The following RNASEH2A variants were observed in gnomAD, a reference collection of about 807,000 sequenced individuals.
The protein encoded by RNASEH2A is ribonuclease H2 subunit A.
Under a neutral mutation model 32.7 loss-of-function variants are expected in RNASEH2A, and 30 were observed. The ratio of observed to expected loss-of-function variants is 0.92; its 90% confidence interval spans 0.69 to 1.25. The LOEUF is 1.25. RNASEH2A is among the 50% of genes most tolerant of loss of function. The probability of loss-of-function intolerance (pLI) is 0.00; values close to 1 mark genes in which losing one functional copy is unlikely to be tolerated. For synonymous variants in RNASEH2A, 147 were observed against 165.4 expected (o/e 0.89, Z 0.86); for missense variants, 409 against 398.1 (o/e 1.03, Z -0.23).
chr19:12,813,568 G>A lies in RNASEH2A; in HGVS notation c.*102G>A. 1.3e-6 allele frequency: 2 copies of A among 1,489,614 alleles called. No homozygotes were observed. The highest frequency in any genetic ancestry group is 1.9e-6 in the Non-Finnish European group (2 of 1,080,716). 92.3% of individuals were successfully genotyped at this position (1,489,614 alleles called of 1,614,324 possible). A position where few individuals can be genotyped will look rare whatever the true frequency, so the allele number is the denominator to read the frequency against. Reference sequence around the variant, plus strand: ...TGTACTTTTGGGACAGAAGCAAGGTGGGAGTGTGCTCTGCAGCCGGGTCCA... The same window carrying A: ...TGTACTTTTGGGACAGAAGCAAGGTAGGAGTGTGCTCTGCAGCCGGGTCCA... On this transcript the variant is annotated 3_prime_UTR_variant, in exon 8 of 8. Coordinates refer to ENST00000221486, the MANE Select transcript of RNASEH2A (RefSeq NM_006397.3).
At chr19:12,810,511 ATTTT>A (rs781771650) in intron 6 of RNASEH2A, 107 bp downstream of exon 6, 4 of 1,069,104 alleles carry the variant, frequency 3.7e-6, no homozygotes, top group Non-Finnish European at 5.6e-6. Flanking sequence ...TATTTTGCTT[ATTTT>A]TTGTTTTTAT....
Position 12,807,229 on chromosome 19 carries a change from G to A in RNASEH2A, c.223G>A (p.Glu75Lys). 1 of 1,614,180 alleles carries A rather than the reference G, an allele frequency of 6.2e-7. No individual in the cohort carries two copies. Among genetic ancestry groups the A allele is most frequent in the Non-Finnish European group, 8.5e-7 (1 of 1,180,024 alleles). ...VADSKTLLESERERLFAKMED... is the reference protein window; with the variant it reads ...VADSKTLLESKRERLFAKMED... ...AGACTCAAAGACCCTATTGGAGAGC[G>A]AGCGGGAAAGGCTGTTTGCGAAAAT... Residue 75 changes from glutamate (E) to lysine (K), a missense_variant, in exon 3 of 8, where the codon GAG becomes AAG. Physicochemically the swap from Glu to Lys is moderately conservative, Grantham distance 56. Coordinates refer to ENST00000221486, the MANE Select transcript of RNASEH2A (RefSeq NM_006397.3).
chr19:12,811,913 C>T (rs1479531060), intron 6 of RNASEH2A, among the ~76,000 whole-genome samples: 1 of 141,616 alleles, frequency 7.1e-6, no homozygotes, highest in Non-Finnish European at 1.5e-5. Flanking sequence ...AAAATTCCAT[C>T]TCAAAATAAT....
Position 12,813,399 on chromosome 19 carries a change from A to G in RNASEH2A, c.833A>G (p.Gln278Arg), listed in dbSNP as rs375101809. The G allele has an allele frequency of 1.7e-5, 27 of 1,614,048 alleles. No homozygotes were observed. Among genetic ancestry groups the G allele is most frequent in the Middle Eastern group, 1.6e-4 (1 of 6,084 alleles). ...TCCTACTTCCTCAATGAAGGGTCCC[A>G]AGCCCGTCCCCGTTCTTCCCACCGA... Reference protein sequence around the residue: ...ITSYFLNEGSQARPRSSHRYF... With the variant: ...ITSYFLNEGSRARPRSSHRYF... Residue 278 changes from glutamine to arginine, a missense_variant, in exon 8 of 8, where the codon CAA (glutamine) becomes CGA (arginine). Physicochemically the swap from Gln to Arg is conservative, Grantham distance 43. Transcript: ENST00000221486.
chr19:12,811,034 TA>T (rs1969064155), intron 6 of RNASEH2A, among the ~76,000 whole-genome samples: 1 of 152,072 alleles, frequency 6.6e-6, no homozygotes, highest in South Asian at 2.1e-4. Flanking sequence ...TTCCTGGGCT[TA>T]AGTGATCCTC....
chr19:12,809,929 G>T (rs55790045), intron 4 of RNASEH2A, 142 bp from the exon 5 acceptor site: 14 of 1,095,102 alleles, frequency 1.3e-5, no homozygotes, highest in Non-Finnish European at 1.8e-5. Flanking sequence ...GGAGATGTTC[G>T]AGTTGAAATC....
At chr19:12,807,579 G>A in intron 4 of RNASEH2A, 73 bp downstream of exon 4, 2 of 1,235,632 alleles carry the variant, frequency 1.6e-6, no homozygotes, top group Non-Finnish European at 2.4e-6. Flanking sequence ...GTTCGAGACT[G>A]CAGTGAGCCA....
intron 4 of RNASEH2A, among the ~76,000 whole-genome samples, chr19:12,808,718 A>G (rs544001809): frequency 6.6e-6 from 1 of 152,330 alleles, no homozygotes; most frequent in South Asian, 2.1e-4. Flanking sequence ...GAAAAACATA[A>G]ATCAGCATTG....
intron 4 of RNASEH2A, 110 bp downstream of exon 4, chr19:12,807,616 G>T: frequency 1.0e-6 from 1 of 955,498 alleles, no homozygotes; most frequent in Non-Finnish European, 1.7e-6. Flanking sequence ...CTCCATCCTG[G>T]GTGACAAAGG....
Position 12,807,282 on chromosome 19 carries a change from G to T in RNASEH2A, c.276G>T (p.Ala92=). 6.2e-7 allele frequency: 1 copy of T among 1,614,194 alleles called. No individual in the cohort carries two copies. Among genetic ancestry groups the T allele is most frequent in the Non-Finnish European group, 8.5e-7 (1 of 1,180,036 alleles). Residue 92 remains alanine, a synonymous_variant, in exon 3 of 8, where the codon GCG becomes GCT. Transcript: ENST00000221486. The stretch of plus-strand genomic sequence containing the variant: ...AGGACACGGACTTTGTCGGCTGGGC[G>T]CTGGATGTGCTGTCTCCAAACCTCA... The part of the protein sequence containing the change: ...KMEDTDFVGW[A]LDVLSPNLIS...
At position 12,807,497 on chromosome 19, in the gene RNASEH2A, C is replaced by G. The variant is rs778120777; in HGVS notation, c.402C>G (p.Asn134Lys). 6.2e-7 allele frequency: 1 copy of G among 1,613,766 alleles called. No homozygotes were observed. Among genetic ancestry groups the G allele is most frequent in the Non-Finnish European group, 8.5e-7 (1 of 1,179,684 alleles). The change falls in exon 4 of 8, where the codon AAC (asparagine) becomes AAG (lysine). Residue 134 changes from asparagine (N) to lysine (K), a missense_variant. Asn to Lys is a moderately conservative substitution (Grantham distance 94, BLOSUM62 0). Transcript: ENST00000221486. ...AGTATGCATTGGACCAGGGCGTGAA[C>G]GTCACCCAGGTGAGTTAACTGTAAG... ...LIQYALDQGV[N>K]VTQVFVDTVG...
In RNASEH2A at chr19:12,807,239, G is replaced by T; in HGVS notation, c.233G>T (p.Arg78Met). Residue 78 changes from arginine to methionine, a missense_variant, in exon 3 of 8, where the codon AGG (arginine) becomes ATG (methionine). Transcript: ENST00000221486. ...ACCCTATTGGAGAGCGAGCGGGAAA[G>T]GCTGTTTGCGAAAATGGAGGACACG... ...SKTLLESERERLFAKMEDTDF... is the reference protein window; with the variant it reads ...SKTLLESEREMLFAKMEDTDF... The T allele has an allele frequency of 1.2e-6, 2 of 1,614,206 alleles. No individual in the cohort carries two copies. The highest frequency in any genetic ancestry group is 8.5e-7 in the Non-Finnish European group (1 of 1,180,050).
At chr19:12,808,892 A>C (rs1159409185) in intron 4 of RNASEH2A, among the ~76,000 whole-genome samples, 1 of 151,550 alleles carries the variant, frequency 6.6e-6, no homozygotes, top group Non-Finnish European at 1.5e-5. Flanking sequence ...GTTCCAGACC[A>C]GCCTGGGCAA....
chr19:12,813,393 G>C lies in RNASEH2A; in HGVS notation c.827G>C (p.Gly276Ala). ...RKITSYFLNEGSQARPRSSHR... is the reference protein window; with the variant it reads ...RKITSYFLNEASQARPRSSHR... ...ATCACATCCTACTTCCTCAATGAAG[G>C]GTCCCAAGCCCGTCCCCGTTCTTCC... is the stretch of plus-strand genomic sequence containing the variant. The change falls in exon 8 of 8, where the codon GGG becomes GCG. Residue 276 changes from glycine to alanine, a missense_variant. By Grantham distance (60) the Gly-to-Ala change is moderately conservative (BLOSUM62 0). Transcript: ENST00000221486. The C allele has an allele frequency of 6.2e-7, 1 of 1,614,108 alleles. No individual in the cohort carries two copies. The highest frequency in any genetic ancestry group is 8.5e-7 in the Non-Finnish European group (1 of 1,180,014).
At chr19:12,808,253 AAAAT>A (rs1294239511) in intron 4 of RNASEH2A, among the ~76,000 whole-genome samples, 1 of 152,152 alleles carries the variant, frequency 6.6e-6, no homozygotes, top group Admixed American at 6.6e-5. Context: ...AATAAAAATA[AAAAT>A]AAAATAAAAA....
rs1367152792 is a variant in RNASEH2A at position 12,813,544 on chromosome 19, G to C, written c.*78G>C. 12 of 1,586,096 alleles carry C rather than the reference G, an allele frequency of 7.6e-6. No homozygotes were observed. The highest frequency in any genetic ancestry group is 1.0e-5 in the Non-Finnish European group (12 of 1,166,026). On this transcript the variant is annotated 3_prime_UTR_variant, in exon 8 of 8. Transcript: ENST00000221486. ...TTAAGGAGAACCACACGTAGGGGAT[G>C]TACTTTTGGGACAGAAGCAAGGTGG...
chr19:12,807,095 G>A lies in RNASEH2A; in HGVS notation c.199+16G>A, dbSNP rs750227576. 2 of 1,614,048 alleles carry A rather than the reference G, an allele frequency of 1.2e-6. No homozygotes were observed. Among genetic ancestry groups the A allele is most frequent in the East Asian group, 4.5e-5 (2 of 44,896 alleles). ...AAAGTGGCAGGTGAGCCCGAGGTGT[G>A]CGTCTGGGGAAGGGATTCCTGGGTA... On this transcript the variant is annotated intron_variant, in intron 2 of 7. Coordinates refer to ENST00000221486, the MANE Select transcript of RNASEH2A (RefSeq NM_006397.3).
chr19:12,809,054 G>A (rs1019089184), intron 4 of RNASEH2A, among the ~76,000 whole-genome samples: 4 of 151,710 alleles, frequency 2.6e-5, no homozygotes, highest in African/African-American at 7.3e-5. Flanking sequence ...ACCCGTAGGC[G>A]TTCAGGGCCT....
chr19:12,807,427 A>G lies in RNASEH2A; in HGVS notation c.332A>G (p.Tyr111Cys), dbSNP rs1254142641. Reference protein sequence around the residue: ...ISTSMLGRVKYNLNSLSHDTA... With the variant: ...ISTSMLGRVKCNLNSLSHDTA... ...TCTGTTCCCCACCACAGGGTCAAAT[A>G]CAACCTGAACTCCCTGTCACATGAT... is the stretch of plus-strand genomic sequence containing the variant. The change falls in exon 4 of 8, where the codon TAC becomes TGC. Residue 111 changes from tyrosine to cysteine, a missense_variant. Transcript: ENST00000221486. The G allele has an allele frequency of 1.9e-6, 3 of 1,614,062 alleles. No individual in the cohort carries two copies. The highest frequency in any genetic ancestry group is 2.7e-5 in the African/African-American group (2 of 74,930).
Sources: allele counts gnomAD v4.1 joint callset (sites outside exome capture counted in the v4.1 genomes callset), GRCh38; gene constraint gnomAD v4.1.1; transcripts MANE v1.5; gene names NCBI Gene and HGNC (gene_info 2026-07-23, HGNC 2026-07-21).